Variants in GALNTL6 observed in about 807,000 individuals in gnomAD.
GALNTL6 encodes the protein polypeptide N-acetylgalactosaminyltransferase-like 6.
Under a neutral mutation model 73.7 loss-of-function variants are expected in GALNTL6, and 46 were observed. The observed-to-expected ratio is 0.62, with a 90% CI of 0.49 to 0.80. GALNTL6 has a LOEUF of 0.80. Among genes scored for constraint, GALNTL6 ranks in the 30% least tolerant of loss-of-function variants. The probability of loss-of-function intolerance (pLI) is 0.00; values close to 1 mark genes in which losing one functional copy is unlikely to be tolerated. For synonymous variants in GALNTL6, 259 were observed against 263.7 expected (o/e 0.98, Z 0.17); for missense variants, 604 against 755.0 (o/e 0.80, Z 2.34).
intron 11 of GALNTL6, among the ~76,000 whole-genome samples, chr4:173,012,238 T>C (rs1440738682): frequency 6.6e-6 from 1 of 152,192 alleles, no homozygotes; most frequent in African/African-American, 2.4e-5. Context: ...CAGATTCCTC[T>C]GGTGCCCATC....
intron 4 of GALNTL6, among the ~76,000 whole-genome samples, chr4:172,332,871 A>G (rs185303072): frequency 1.3e-4 from 20 of 152,286 alleles, no homozygotes; most frequent in African/African-American, 4.8e-4. Context: ...TTTTTGAGAA[A>G]TCGTCATACT....
At chr4:172,145,375 C>T (rs1440667000) in intron 2 of GALNTL6, among the ~76,000 whole-genome samples, 1 of 152,040 alleles carries the variant, frequency 6.6e-6, no homozygotes, top group Non-Finnish European at 1.5e-5. Context: ...CTCCTGACCT[C>T]GTGATCCGCC....
In GALNTL6 at chr4:172,852,400, A is replaced by C. The variant is rs1743875010; in HGVS notation, c.924-30390A>C. Among the ~76,000 whole-genome samples, 3 of 152,166 alleles carry C rather than the reference A, an allele frequency of 2.0e-5. No homozygotes were observed. In the South Asian group the frequency reaches 6.2e-4, roughly 32 times the overall value. On this transcript the variant is annotated intron_variant, in intron 7 of 12. Transcript: ENST00000506823. The stretch of plus-strand genomic sequence containing the variant: ...AAAATTAGCAGGCCAAGACTTGGAA[A>C]TACATTACCTCTGCCCACATCCCGT...
chr4:172,599,642 C>T (rs72704866), intron 5 of GALNTL6, among the ~76,000 whole-genome samples: 6,815 of 152,180 alleles, frequency 0.045, 231 homozygotes, highest in South Asian at 0.071. Flanking sequence ...AACTCTACCA[C>T]CTGGCAGTTA....
chr4:172,648,727 T>A (rs569330384), intron 5 of GALNTL6, among the ~76,000 whole-genome samples: 23 of 152,292 alleles, frequency 1.5e-4, no homozygotes, highest in African/African-American at 5.5e-4. Flanking sequence ...ACAAAATCTG[T>A]CTTCCTCCAA....
chr4:172,326,894 A>G (rs1740962523), intron 4 of GALNTL6, among the ~76,000 whole-genome samples: 1 of 151,982 alleles, frequency 6.6e-6, no homozygotes, highest in Non-Finnish European at 1.5e-5. Context: ...ATATTGATCT[A>G]TCTTTAAACA....
At chr4:172,560,595 G>A (rs1438158703) in intron 5 of GALNTL6, among the ~76,000 whole-genome samples, 1 of 152,182 alleles carries the variant, frequency 6.6e-6, no homozygotes, top group Admixed American at 6.5e-5. Flanking sequence ...CTCTATGCAT[G>A]TAGAATTCAT....
intron 2 of GALNTL6, among the ~76,000 whole-genome samples, chr4:171,973,856 A>G (rs1169234977): frequency 6.6e-6 from 1 of 152,134 alleles, no homozygotes; most frequent in East Asian, 1.9e-4. Flanking sequence ...TTTTGTAAGC[A>G]TTTACTCTTT....
chr4:172,644,198 A>G (rs537204148), intron 5 of GALNTL6, among the ~76,000 whole-genome samples: 5 of 151,972 alleles, frequency 3.3e-5, no homozygotes, highest in Non-Finnish European at 5.9e-5. Flanking sequence ...ATTTATATGT[A>G]TATGTGTATG....
intron 5 of GALNTL6, among the ~76,000 whole-genome samples, chr4:172,676,049 A>G (rs1410058595): frequency 6.6e-6 from 1 of 152,232 alleles, no homozygotes; most frequent in Non-Finnish European, 1.5e-5. Context: ...AAAAGTATAT[A>G]TGATAGTATG....
At chr4:172,958,669 G>A (rs1292196622) in intron 10 of GALNTL6, among the ~76,000 whole-genome samples, 3 of 152,274 alleles carry the variant, frequency 2.0e-5, no homozygotes, top group East Asian at 1.9e-4. Flanking sequence ...GAATTATGTC[G>A]AGATAGGTAA....
At chr4:172,271,471 C>G (rs893962926) in intron 3 of GALNTL6, among the ~76,000 whole-genome samples, 1 of 151,892 alleles carries the variant, frequency 6.6e-6, no homozygotes, top group Non-Finnish European at 1.5e-5. Context: ...TGATCTTTGC[C>G]TACGTGCATA....
chr4:172,676,301 T>A (rs1024045593), intron 5 of GALNTL6, among the ~76,000 whole-genome samples: 2 of 152,212 alleles, frequency 1.3e-5, no homozygotes, highest in African/African-American at 2.4e-5. Flanking sequence ...ATTGGAAGAC[T>A]TTTCTTTAAG....
At chr4:171,818,937 A>G (rs1258450324) in intron 2 of GALNTL6, among the ~76,000 whole-genome samples, 3 of 152,124 alleles carry the variant, frequency 2.0e-5, no homozygotes, top group Admixed American at 2.0e-4. Context: ...AACTTGTTTT[A>G]TAACATGAAA....
At chr4:172,593,429 T>C (rs1737728456) in intron 5 of GALNTL6, among the ~76,000 whole-genome samples, 1 of 152,192 alleles carries the variant, frequency 6.6e-6, no homozygotes, top group South Asian at 2.1e-4. Context: ...ACTAATGGCA[T>C]AGAATATACA....
intron 2 of GALNTL6, among the ~76,000 whole-genome samples, chr4:171,956,500 A>G (rs1398071714): frequency 1.3e-5 from 2 of 152,160 alleles, no homozygotes; most frequent in Non-Finnish European, 2.9e-5. Flanking sequence ...AAGTACAATC[A>G]ATTGTGTTGC....
intron 2 of GALNTL6, among the ~76,000 whole-genome samples, chr4:171,989,582 G>C (rs911565792): frequency 2.0e-5 from 3 of 152,170 alleles, no homozygotes; most frequent in Non-Finnish European, 4.4e-5. Context: ...AATGTGGCTG[G>C]GGTTTGTCTC....
intron 10 of GALNTL6, among the ~76,000 whole-genome samples, chr4:172,959,438 G>C (rs901840056): frequency 3.3e-5 from 5 of 152,134 alleles, no homozygotes; most frequent in African/African-American, 1.2e-4. Flanking sequence ...AAGAGGTTTA[G>C]AAGCCTGGCC....
intron 5 of GALNTL6, among the ~76,000 whole-genome samples, chr4:172,790,667 G>A (rs912810820): frequency 5.0e-5 from 7 of 141,174 alleles, no homozygotes; most frequent in Non-Finnish European, 7.4e-5. Flanking sequence ...CGAGGCAGGC[G>A]GGATCACGAG....
Sources: gnomAD v4.1 joint callset for allele counts (sites outside exome capture counted in the v4.1 genomes callset) on GRCh38, gnomAD v4.1.1 for gene constraint, MANE v1.5 for transcripts, NCBI Gene and HGNC (gene_info 2026-07-23, HGNC 2026-07-21) for gene names.